LDLRAD4: variants seen among roughly 807,000 people sequenced by gnomAD.
The protein encoded by LDLRAD4 is low density lipoprotein receptor class A domain containing 4, also known as low-density lipoprotein receptor class A domain-containing protein 4.
LDLRAD4 carries 5 observed loss-of-function variants against 17.0 expected under a neutral mutation model. The observed-to-expected ratio is 0.29, with a 90% CI of 0.15 to 0.62. LDLRAD4 has a LOEUF of 0.62. Among genes scored for constraint, LDLRAD4 ranks in the 20% least tolerant of loss-of-function variants. The pLI is 0.84. For missense variants in LDLRAD4, 340 were observed against 424.7 expected (o/e 0.80, Z 1.75); for synonymous variants, 168 against 171.8 (o/e 0.98, Z 0.17).
At chr18:13,334,241 T>C (rs1393483000) in intron 1 of LDLRAD4, among the ~76,000 whole-genome samples, 2 of 151,534 alleles carry the variant, frequency 1.3e-5, no homozygotes, top group African/African-American at 4.9e-5. Context: ...ACCTTTTTTA[T>C]TTCTTTTTTT....
At chr18:13,250,447 G>T (rs1363187777) in intron 1 of LDLRAD4, among the ~76,000 whole-genome samples, 1 of 152,006 alleles carries the variant, frequency 6.6e-6, no homozygotes, top group East Asian at 1.9e-4. Flanking sequence ...GAAACAAAAA[G>T]TTGGATTTTG....
At chr18:13,619,679 C>G (rs974921699) in intron 3 of LDLRAD4, among the ~76,000 whole-genome samples, 1 of 152,184 alleles carries the variant, frequency 6.6e-6, no homozygotes. Context: ...AACAGCACCC[C>G]CTTGGCTGGG....
rs9955499 is a variant in LDLRAD4 at position 13,235,481 on chromosome 18, C to T, written c.-467+16493C>T. Among the ~76,000 whole-genome samples, 352 of 152,276 alleles carry T rather than the reference C, an allele frequency of 2.3e-3. 2 individuals are homozygous for T. Among genetic ancestry groups the T allele is most frequent in the African/African-American group, 8.0e-3 (332 of 41,552 alleles). On this transcript the variant is annotated intron_variant, in intron 1 of 5. Transcript: ENST00000399848. ...ACAGCTACCTGGAAGTCTGACTCAC[C>T]CTCCAGGCATCTGACTGTGCTTTTA...
At chr18:13,272,196 C>T (rs376317742) in intron 1 of LDLRAD4, among the ~76,000 whole-genome samples, 10 of 152,258 alleles carry the variant, frequency 6.6e-5, no homozygotes, top group African/African-American at 2.4e-4. Context: ...ACCTGGCCCT[C>T]AGTGCTGACT....
intron 3 of LDLRAD4, among the ~76,000 whole-genome samples, chr18:13,517,770 G>T (rs972495103): frequency 2.2e-4 from 34 of 151,740 alleles, no homozygotes; most frequent in Admixed American, 2.6e-4. Flanking sequence ...ATGGAGTCTC[G>T]CTCTGTCGCC....
intron 1 of LDLRAD4, among the ~76,000 whole-genome samples, chr18:13,299,395 C>G (rs371747141): frequency 6.6e-6 from 1 of 152,176 alleles, no homozygotes; most frequent in Non-Finnish European, 1.5e-5. Flanking sequence ...ACCTCCCCAC[C>G]TTAGAGGAAG....
At chr18:13,434,890 TC>T (rs961911673) in intron 2 of LDLRAD4, among the ~76,000 whole-genome samples, 1 of 152,264 alleles carries the variant, frequency 6.6e-6, no homozygotes, top group African/African-American at 2.4e-5. Flanking sequence ...ACAGTGGTTC[TC>T]CATCTGCGCT....
chr18:13,581,316 A>G (rs551247520), intron 3 of LDLRAD4, among the ~76,000 whole-genome samples: 3 of 152,146 alleles, frequency 2.0e-5, no homozygotes, highest in African/African-American at 7.2e-5. Flanking sequence ...GGTATGCTCA[A>G]CCCCTAATAC....
chr18:13,377,464 G>T (rs1198140726), intron 1 of LDLRAD4, among the ~76,000 whole-genome samples: 1 of 152,116 alleles, frequency 6.6e-6, no homozygotes, highest in Non-Finnish European at 1.5e-5. Context: ...CCAGGTGGTT[G>T]TACAACCCAT....
chr18:13,278,876 TC>T (rs1049357552), intron 1 of LDLRAD4, among the ~76,000 whole-genome samples: 19 of 152,098 alleles, frequency 1.2e-4, no homozygotes, highest in African/African-American at 4.6e-4. Context: ...TGATGAGGAA[TC>T]CCCCCTGAAG....
intron 1 of LDLRAD4, among the ~76,000 whole-genome samples, chr18:13,239,343 T>C (rs1251967947): frequency 6.6e-6 from 1 of 152,028 alleles, no homozygotes; most frequent in Non-Finnish European, 1.5e-5. Flanking sequence ...AGCTCAGGGA[T>C]TTGAGGGAAC....
chr18:13,230,986 C>A (rs546463395), intron 1 of LDLRAD4, among the ~76,000 whole-genome samples: 3 of 152,272 alleles, frequency 2.0e-5, no homozygotes, highest in Admixed American at 6.5e-5. Flanking sequence ...ATTATTTATT[C>A]ATGCTCGGCG....
intron 3 of LDLRAD4, among the ~76,000 whole-genome samples, chr18:13,556,293 G>C (rs1432386616): frequency 6.6e-6 from 1 of 152,224 alleles, no homozygotes; most frequent in Non-Finnish European, 1.5e-5. Context: ...CATGTTATCA[G>C]GAGGCCCTAG....
chr18:13,233,116 C>A (rs2042163672), intron 1 of LDLRAD4, among the ~76,000 whole-genome samples: 1 of 152,244 alleles, frequency 6.6e-6, no homozygotes, highest in South Asian at 2.1e-4. Context: ...ATGGAGCTTG[C>A]CACCAGTGGC....
intron 2 of LDLRAD4, among the ~76,000 whole-genome samples, chr18:13,395,845 C>T (rs1422883546): frequency 1.3e-5 from 2 of 152,020 alleles, no homozygotes; most frequent in African/African-American, 4.8e-5. Flanking sequence ...ATCTCCAGCA[C>T]AAGACATCCC....
chr18:13,504,164 G>A (rs891379525), intron 3 of LDLRAD4, among the ~76,000 whole-genome samples: 82 of 152,238 alleles, frequency 5.4e-4, no homozygotes, highest in African/African-American at 1.7e-3. Context: ...GAGTCCGTTC[G>A]CTGACCCCCA....
chr18:13,611,893 G>A, intron 3 of LDLRAD4: 2 of 985,416 alleles, frequency 2.0e-6, no homozygotes, highest in Non-Finnish European at 1.2e-6. Context: ...GCTCCCATCA[G>A]TTAGAGGATG....
At chr18:13,484,607 C>T (rs1056010702) in intron 3 of LDLRAD4, among the ~76,000 whole-genome samples, 2 of 152,160 alleles carry the variant, frequency 1.3e-5, no homozygotes, top group Non-Finnish European at 2.9e-5. Flanking sequence ...GCCTGGGTGA[C>T]AGTGAAACCC....
intron 1 of LDLRAD4, among the ~76,000 whole-genome samples, chr18:13,260,481 C>G (rs903011381): frequency 1.3e-5 from 2 of 152,228 alleles, no homozygotes; most frequent in African/African-American, 4.8e-5. Flanking sequence ...TCCGTTTTGA[C>G]AAATAGCTGA....
Sources: gnomAD v4.1 joint callset for allele counts (sites outside exome capture counted in the v4.1 genomes callset) on GRCh38, gnomAD v4.1.1 for gene constraint, MANE v1.5 for transcripts, NCBI Gene and HGNC (gene_info 2026-07-23, HGNC 2026-07-21) for gene names.